The following SSBP2 variants were observed in gnomAD, a reference collection of about 807,000 sequenced individuals.
SSBP2 encodes single stranded DNA binding protein 2.
Under a neutral mutation model 61.8 loss-of-function variants are expected in SSBP2, and 17 were observed. The observed-to-expected ratio is 0.28, with a 90% CI of 0.19 to 0.41. The LOEUF is 0.41. Among genes scored for constraint, SSBP2 ranks in the 10% least tolerant of loss-of-function variants. The pLI, the probability that SSBP2 is intolerant of heterozygous loss-of-function variation, is 1.00. For synonymous variants in SSBP2, 139 were observed against 141.3 expected (o/e 0.98, Z 0.12); for missense variants, 310 against 458.7 (o/e 0.68, Z 2.96).
chr5:81,638,220 T>C (rs1472504991), intron 2 of SSBP2, among the ~76,000 whole-genome samples: 1 of 151,378 alleles, frequency 6.6e-6, no homozygotes, highest in Non-Finnish European at 1.5e-5. Context: ...AACATGCACA[T>C]TGTGCACATG....
chr5:81,556,969 T>C (rs919085458), intron 4 of SSBP2, among the ~76,000 whole-genome samples: 2 of 152,208 alleles, frequency 1.3e-5, no homozygotes, highest in Non-Finnish European at 2.9e-5. Context: ...ATAACTTTTG[T>C]GATGACACAG....
At chr5:81,632,637 T>C (rs1163500577) in intron 3 of SSBP2, among the ~76,000 whole-genome samples, 1 of 152,104 alleles carries the variant, frequency 6.6e-6, no homozygotes, top group Non-Finnish European at 1.5e-5. Context: ...TGGACCTCCT[T>C]CTCTCAGGCC....
intron 14 of SSBP2, 74 bp from the exon 15 acceptor site, chr5:81,437,532 A>C: frequency 7.6e-7 from 1 of 1,310,838 alleles, no homozygotes; most frequent in East Asian, 2.3e-5. Context: ...CTTTAATTTA[A>C]ATAAGTGAAG....
intron 1 of SSBP2, among the ~76,000 whole-genome samples, chr5:81,714,662 C>T (rs956399152): frequency 9.9e-5 from 15 of 152,246 alleles, no homozygotes; most frequent in Middle Eastern, 3.4e-3. Flanking sequence ...TGATGATGAG[C>T]TTTTTTTCAT....
intron 15 of SSBP2, among the ~76,000 whole-genome samples, chr5:81,436,222 G>A (rs1208649389): frequency 4.1e-5 from 6 of 144,982 alleles, no homozygotes; most frequent in Non-Finnish European, 9.0e-5. Context: ...AGGTATCTGA[G>A]AGCCAACACA....
chr5:81,552,639 T>TAA (rs33979294), intron 4 of SSBP2, among the ~76,000 whole-genome samples: 13,069 of 115,724 alleles, frequency 0.11, 702 homozygotes, highest in African/African-American at 0.15. Context: ...CTATGTCTCT[T>TAA]AAAAAAAAAA....
chr5:81,592,628 T>G (rs146499100), intron 4 of SSBP2, among the ~76,000 whole-genome samples: 1,524 of 152,252 alleles, frequency 0.01, 13 homozygotes, highest in Non-Finnish European at 0.015. Context: ...AGCCGGATAC[T>G]CCTCTGAGAC....
At chr5:81,547,994 T>C (rs994774517) in intron 4 of SSBP2, among the ~76,000 whole-genome samples, 1 of 152,186 alleles carries the variant, frequency 6.6e-6, no homozygotes, top group Non-Finnish European at 1.5e-5. Context: ...CCATGGAATA[T>C]ACAATATACA....
chr5:81,525,099 T>C (rs1024496874), intron 4 of SSBP2, among the ~76,000 whole-genome samples: 1 of 151,998 alleles, frequency 6.6e-6, no homozygotes, highest in Non-Finnish European at 1.5e-5. Flanking sequence ...AGAGAGTTCA[T>C]TTCTTTCTTC....
chr5:81,728,948 T>TA (rs1469545703), intron 1 of SSBP2, among the ~76,000 whole-genome samples: 1 of 152,194 alleles, frequency 6.6e-6, no homozygotes, highest in South Asian at 2.1e-4. Context: ...TATTGAGTCT[T>TA]AAAAGTCAGT....
intron 1 of SSBP2, among the ~76,000 whole-genome samples, chr5:81,701,617 C>T (rs1581379129): frequency 6.6e-6 from 1 of 152,322 alleles, no homozygotes; most frequent in East Asian, 1.9e-4. Context: ...AAAGATGTCT[C>T]AAATAAAATG....
chr5:81,627,616 T>G, intron 3 of SSBP2, among the ~76,000 whole-genome samples: 1 of 152,230 alleles, frequency 6.6e-6, no homozygotes, highest in East Asian at 1.9e-4. Context: ...GATTGGACTT[T>G]CCACCACCAG....
intron 10 of SSBP2, among the ~76,000 whole-genome samples, chr5:81,454,024 G>A (rs1267668130): frequency 2.0e-5 from 3 of 152,178 alleles, no homozygotes; most frequent in African/African-American, 7.2e-5. Flanking sequence ...GAAATGGGTT[G>A]AGAAGTAAAT....
rs1190548117 is a variant in SSBP2, at chr5:81,438,065, A to T, written c.929-607T>A. On this transcript the variant is annotated intron_variant, in intron 14 of 16. Coordinates refer to ENST00000320672, the MANE Select transcript of SSBP2 (RefSeq NM_012446.5). ...GAATTTCTTTTCTTATGTAAGAAAT[A>T]GAGACCGGGTGCAGTGGCTCACGCC... 2.0e-5 allele frequency among the ~76,000 whole-genome samples: 3 copies of T among 152,288 alleles called. No individual in the cohort carries two copies. The East Asian group carries it at 5.8e-4, about 29-fold the overall frequency.
chr5:81,529,328 T>C (rs771918090), intron 4 of SSBP2, among the ~76,000 whole-genome samples: 17 of 152,138 alleles, frequency 1.1e-4, no homozygotes, highest in Non-Finnish European at 2.2e-4. Context: ...TTATCATAAG[T>C]TGTAGTACAT....
intron 1 of SSBP2, among the ~76,000 whole-genome samples, chr5:81,724,434 T>A (rs1755740062): frequency 3.3e-5 from 5 of 151,980 alleles, no homozygotes; most frequent in Admixed American, 3.3e-4. Context: ...ACTTGCCCTA[T>A]CAGACTTTAG....
At chr5:81,502,491 T>TATATTCC (rs1290644208) in intron 5 of SSBP2, among the ~76,000 whole-genome samples, 2 of 152,186 alleles carry the variant, frequency 1.3e-5, no homozygotes, top group African/African-American at 4.8e-5. Flanking sequence ...TAGCTTCAAA[T>TATATTCC]ATATTCCAAT....
chr5:81,532,069 A>C (rs1050225739), intron 4 of SSBP2, among the ~76,000 whole-genome samples: 16 of 152,144 alleles, frequency 1.1e-4, no homozygotes, highest in Admixed American at 9.2e-4. Flanking sequence ...CAGATGCATG[A>C]AAAGTTATCA....
rs1320698038 is a variant in SSBP2 at position 81,418,162 on chromosome 5, T to C, written c.*2342A>G. 2.0e-5 allele frequency: 3 copies of C among 152,250 alleles called. No homozygotes were observed. Among genetic ancestry groups the C allele is most frequent in the Non-Finnish European group, 4.4e-5 (3 of 68,034 alleles). The allele number at this position is 152,250 out of a possible 1,614,324, so 9.4% of individuals were successfully genotyped here. ...ATTTTTATATGATTGTCATAAAATA[T>C]GAAAGTCAAAATTCTTCTTGGTAAA... On this transcript the variant is annotated 3_prime_UTR_variant, in exon 17 of 17. Coordinates refer to ENST00000320672, the MANE Select transcript of SSBP2 (RefSeq NM_012446.5).
Sources: gnomAD v4.1 joint callset for allele counts (sites outside exome capture counted in the v4.1 genomes callset) on GRCh38, gnomAD v4.1.1 for gene constraint, MANE v1.5 for transcripts, NCBI Gene and HGNC (gene_info 2026-07-23, HGNC 2026-07-21) for gene names.